The following CSMD1 variants were observed in gnomAD, a reference collection of about 807,000 sequenced individuals.
CSMD1 encodes CUB and sushi domain-containing protein 1.
A neutral mutation model predicts 417.5 loss-of-function variants in CSMD1; 213 were observed. The observed-to-expected ratio is 0.51, with a 90% CI of 0.46 to 0.57. CSMD1 has a LOEUF of 0.57. Ranked by LOEUF, CSMD1 falls within the 20% of genes least tolerant of loss-of-function variation. CSMD1 has a pLI of 0.00. For synonymous variants in CSMD1, 2,862 were observed against 1,736.8 expected (o/e 1.65, Z -16.11); for missense variants, 6,923 against 4,529.7 (o/e 1.53, Z -15.17).
chr8:4,455,460 C>G (rs545822710), intron 2 of CSMD1, among the ~76,000 whole-genome samples: 4 of 152,130 alleles, frequency 2.6e-5, no homozygotes, highest in Non-Finnish European at 4.4e-5. Context: ...ACACAGCCAC[C>G]TTGCTTGACA....
intron 39 of CSMD1, among the ~76,000 whole-genome samples, chr8:3,156,291 G>C (rs770802315): frequency 8.5e-5 from 13 of 152,190 alleles, no homozygotes; most frequent in Non-Finnish European, 1.8e-4. Flanking sequence ...AAGACTGTGG[G>C]GAACAATAAA....
chr8:3,530,788 C>G (rs976404899), intron 10 of CSMD1, among the ~76,000 whole-genome samples: 5 of 151,878 alleles, frequency 3.3e-5, no homozygotes, highest in African/African-American at 9.7e-5. Context: ...CTTGGCCTCC[C>G]AAAGTGCTAC....
At chr8:2,976,189 A>C (rs1360570165) in intron 55 of CSMD1, among the ~76,000 whole-genome samples, 1 of 151,852 alleles carries the variant, frequency 6.6e-6, no homozygotes, top group Non-Finnish European at 1.5e-5. Flanking sequence ...GTTTCTGTGT[A>C]GATTAGAGGA....
At chr8:4,332,851 C>T (rs1013959499) in intron 3 of CSMD1, among the ~76,000 whole-genome samples, 5 of 151,304 alleles carry the variant, frequency 3.3e-5, no homozygotes, top group African/African-American at 4.9e-5. Context: ...AATGTTTTTT[C>T]CCAATCATCT....
intron 3 of CSMD1, among the ~76,000 whole-genome samples, chr8:4,396,871 G>A (rs1013244852): frequency 1.3e-5 from 2 of 151,990 alleles, no homozygotes; most frequent in Non-Finnish European, 2.9e-5. Flanking sequence ...CAACTTTCAG[G>A]ACTAGGGGGA....
intron 1 of CSMD1, among the ~76,000 whole-genome samples, chr8:4,837,273 C>T (rs1800550240): frequency 6.6e-6 from 1 of 152,162 alleles, no homozygotes; most frequent in Non-Finnish European, 1.5e-5. Flanking sequence ...AGGAAATCTA[C>T]ACATCAAGAG....
At chr8:3,904,518 G>C (rs1034365639) in intron 5 of CSMD1, among the ~76,000 whole-genome samples, 3 of 152,152 alleles carry the variant, frequency 2.0e-5, no homozygotes, top group Non-Finnish European at 4.4e-5. Context: ...ACATTTCTAA[G>C]AAACTGACAG....
chr8:4,195,708 T>G (rs2131231842), intron 3 of CSMD1, among the ~76,000 whole-genome samples: 1 of 152,198 alleles, frequency 6.6e-6, no homozygotes, highest in East Asian at 1.9e-4. Flanking sequence ...GGAGAAATTG[T>G]GGAAATGGCC....
At position 3,772,422 on chromosome 8, in the gene CSMD1, C is replaced by CATATAT. The variant is rs1563064235; in HGVS notation, c.819-18381_819-18380insATATAT. On this transcript the variant is annotated intron_variant, in intron 5 of 69. Coordinates refer to ENST00000635120, the MANE Select transcript of CSMD1 (RefSeq NM_033225.6). ...ACATATATACATATATTTATATATACACATATATACATACATTTATATATA... is the reference window on the plus strand; with the variant it reads ...ACATATATACATATATTTATATATACATATATACATATATACATACATTTATATATA... Among the ~76,000 whole-genome samples, 9 of 51,264 alleles carry CATATAT rather than the reference C, an allele frequency of 1.8e-4. 2 individuals are homozygous for CATATAT. Among genetic ancestry groups the CATATAT allele is most frequent in the African/African-American group, 5.7e-4 (5 of 8,742 alleles). 33.6% of individuals were successfully genotyped at this position (51,264 alleles called of 152,430 possible).
chr8:3,698,148 C>G (rs1563284371), intron 7 of CSMD1, among the ~76,000 whole-genome samples: 1 of 152,170 alleles, frequency 6.6e-6, no homozygotes, highest in South Asian at 2.1e-4. Context: ...GTTCTCAAAT[C>G]TATCTAGACA....
rs184491480 is a variant in CSMD1 at position 4,759,398 on chromosome 8, T to C, written c.86-121840A>G. Reference sequence around the variant, plus strand: ...CAAGAGGCTATTATCCAATGGCATCTGAGCATCTCTGAAAAAATTTTAAGT... The same window carrying C: ...CAAGAGGCTATTATCCAATGGCATCCGAGCATCTCTGAAAAAATTTTAAGT... On this transcript the variant is annotated intron_variant, in intron 1 of 69. Coordinates refer to ENST00000635120, the MANE Select transcript of CSMD1 (RefSeq NM_033225.6). Among the ~76,000 whole-genome samples the C allele has an allele frequency of 4.2e-4, 64 of 152,330 alleles. No homozygotes were observed. In the East Asian group the frequency reaches 9.5e-3, roughly 23 times the overall value.
At chr8:3,915,521 T>C (rs1367867575) in intron 5 of CSMD1, among the ~76,000 whole-genome samples, 1 of 151,874 alleles carries the variant, frequency 6.6e-6, no homozygotes, top group Non-Finnish European at 1.5e-5. Flanking sequence ...TGGGCTTTGT[T>C]GATCATACGA....
Position 3,852,288 on chromosome 8 carries a change from C to G in CSMD1, c.819-98246G>C, listed in dbSNP as rs372194320. 3.1e-3 allele frequency among the ~76,000 whole-genome samples: 470 copies of G among 152,138 alleles called. 4 individuals are homozygous for G. The highest frequency in any genetic ancestry group is 4.0e-3 in the African/African-American group (166 of 41,492). ...TGTAGGCAGTGGATGCAGCGAACTC[C>G]TGCCCCAGAATCAGAGGTGGGGTTT... On this transcript the variant is annotated intron_variant, in intron 5 of 69. Transcript: ENST00000635120.
intron 1 of CSMD1, among the ~76,000 whole-genome samples, chr8:4,860,104 C>T (rs1288316493): frequency 6.6e-6 from 1 of 151,816 alleles, no homozygotes; most frequent in Non-Finnish European, 1.5e-5. Context: ...AGTTCACGTC[C>T]TTTGTAGGGA....
chr8:3,911,485 G>A (rs946469735), intron 5 of CSMD1, among the ~76,000 whole-genome samples: 9 of 148,414 alleles, frequency 6.1e-5, no homozygotes, highest in East Asian at 2.0e-4. Flanking sequence ...CCAAGATTGC[G>A]CCACTGCACT....
At chr8:3,372,246 A>C (rs1384817183) in intron 18 of CSMD1, among the ~76,000 whole-genome samples, 2 of 152,160 alleles carry the variant, frequency 1.3e-5, no homozygotes, top group Non-Finnish European at 2.9e-5. Flanking sequence ...GGTAGAGAGA[A>C]AGTGGTTAGG....
intron 26 of CSMD1, among the ~76,000 whole-genome samples, chr8:3,267,051 C>T (rs887992492): frequency 2.6e-5 from 4 of 152,086 alleles, no homozygotes; most frequent in African/African-American, 9.7e-5. Context: ...GAGACTTGAG[C>T]ATATTTACAT....
intron 3 of CSMD1, among the ~76,000 whole-genome samples, chr8:4,145,883 A>T (rs910858715): frequency 6.6e-6 from 1 of 151,066 alleles, no homozygotes; most frequent in African/African-American, 2.5e-5. Context: ...TTTCAAAATC[A>T]TGTCTTGCTC....
intron 3 of CSMD1, among the ~76,000 whole-genome samples, chr8:4,101,118 CT>C (rs1563124633): frequency 6.6e-6 from 1 of 152,192 alleles, no homozygotes; most frequent in African/African-American, 2.4e-5. Context: ...AGCGAATAGT[CT>C]TTTAAGGGCC....
Sources: gnomAD v4.1 joint callset for allele counts (sites outside exome capture counted in the v4.1 genomes callset) on GRCh38, gnomAD v4.1.1 for gene constraint, MANE v1.5 for transcripts, NCBI Gene and HGNC (gene_info 2026-07-23, HGNC 2026-07-21) for gene names.